HGF: variants seen among roughly 807,000 people sequenced by gnomAD.
HGF encodes the protein fibroblast-derived tumor cytotoxic factor.
HGF carries 39 observed loss-of-function variants against 111.6 expected under a neutral mutation model. The ratio of observed to expected loss-of-function variants is 0.35; its 90% confidence interval spans 0.27 to 0.46. HGF has a LOEUF of 0.46. Ranked by LOEUF, HGF falls within the 20% of genes least tolerant of loss-of-function variation. The probability of loss-of-function intolerance (pLI) is 1.00; values close to 1 mark genes in which losing one functional copy is unlikely to be tolerated. For missense variants in HGF, 735 were observed against 910.5 expected (o/e 0.81, Z 2.48); for synonymous variants, 285 against 294.8 (o/e 0.97, Z 0.34).
intron 11 of HGF, among the ~76,000 whole-genome samples, chr7:81,714,091 T>G (rs2115823831): frequency 6.6e-6 from 1 of 151,914 alleles, no homozygotes. Context: ...CTCCCACTCT[T>G]CTTAAAGCTT....
chr7:81,745,137 A>G lies in HGF; in HGVS notation c.626-17T>C. On this transcript the variant is annotated splice_polypyrimidine_tract_variant and intron_variant, in intron 5 of 17. Transcript: ENST00000222390. The stretch of plus-strand genomic sequence containing the variant: ...TGCATTCAACTAATAAAATTAAAGT[A>G]TGGCATGTTAATTGTTTCTGACAGC... 1 of 1,613,212 alleles carries G rather than the reference A, an allele frequency of 6.2e-7. No individual in the cohort carries two copies. Among genetic ancestry groups the G allele is most frequent in the Non-Finnish European group, 8.5e-7 (1 of 1,179,450 alleles).
At chr7:81,757,021 T>A in intron 4 of HGF, 168 bp downstream of exon 4, 5 of 624,060 alleles carry the variant, frequency 8.0e-6, no homozygotes, top group Non-Finnish European at 1.4e-5. Context: ...TATTAATTAA[T>A]CATTTGCTAA....
At chr7:81,757,140 C>A (rs943982592) in intron 4 of HGF, 49 bp downstream of exon 4, 3 of 926,908 alleles carry the variant, frequency 3.2e-6, no homozygotes, top group Non-Finnish European at 5.4e-6. Flanking sequence ...AGACTGTTAA[C>A]ATGTAAAAAA....
At chr7:81,743,715 T>C (rs1788103246) in intron 6 of HGF, among the ~76,000 whole-genome samples, 1 of 152,196 alleles carries the variant, frequency 6.6e-6, no homozygotes, top group African/African-American at 2.4e-5. Flanking sequence ...ACCTTTCCAC[T>C]AGCTGAGGTT....
At chr7:81,741,080 A>G (rs1011275226) in intron 7 of HGF, among the ~76,000 whole-genome samples, 2 of 152,220 alleles carry the variant, frequency 1.3e-5, no homozygotes, top group African/African-American at 4.8e-5. Context: ...ATAAAACATT[A>G]TCTCTTATGG....
intron 1 of HGF, among the ~76,000 whole-genome samples, chr7:81,767,224 T>C (rs1482566215): frequency 6.6e-6 from 1 of 152,070 alleles, no homozygotes; most frequent in African/African-American, 2.4e-5. Context: ...ATATATCACT[T>C]GGCCAAATGA....
intron 8 of HGF, among the ~76,000 whole-genome samples, chr7:81,727,463 C>T (rs185748800): frequency 2.6e-5 from 4 of 152,158 alleles, no homozygotes; most frequent in Admixed American, 2.6e-4. Context: ...AGAACATCGG[C>T]CACCAATAAT....
At chr7:81,763,357 T>C (rs1018611424) in intron 1 of HGF, among the ~76,000 whole-genome samples, 2 of 152,166 alleles carry the variant, frequency 1.3e-5, no homozygotes, top group African/African-American at 4.8e-5. Flanking sequence ...TCTTCTGACC[T>C]ACTCTTTAAA....
intron 6 of HGF, 56 bp downstream of exon 6, chr7:81,744,944 G>T: frequency 6.4e-7 from 1 of 1,567,814 alleles, no homozygotes; most frequent in Non-Finnish European, 8.8e-7. Flanking sequence ...GTGTGTCATA[G>T]AGTGAATAAT....
At chr7:81,740,800 A>G (rs1397280503) in intron 7 of HGF, among the ~76,000 whole-genome samples, 2 of 152,214 alleles carry the variant, frequency 1.3e-5, no homozygotes, top group Admixed American at 6.5e-5. Context: ...TAAATGCAAC[A>G]TGGAGTTTTA....
At chr7:81,737,204 A>T (rs1042117545) in intron 7 of HGF, among the ~76,000 whole-genome samples, 22 of 152,162 alleles carry the variant, frequency 1.4e-4, no homozygotes, top group African/African-American at 5.1e-4. Flanking sequence ...GGCAAATAAT[A>T]GAGCCTAAAT....
chr7:81,705,482 C>T lies in HGF; in HGVS notation c.1918G>A (p.Glu640Lys), dbSNP rs2115761301. The change falls in exon 17 of 18, where the codon GAG becomes AAG. Residue 640 changes from glutamate to lysine, a missense_variant. By Grantham distance (56) the Glu-to-Lys change is moderately conservative. Transcript: ENST00000222390. Reference sequence around the variant, plus strand: ...CCTCGATGATGCTGGCTGCATTTCTCATTTCCCATTATATAGAGATGTGCC... The same window carrying T: ...CCTCGATGATGCTGGCTGCATTTCTTATTTCCCATTATATAGAGATGTGCC... ...RVAHLYIMGNEKCSQHHRGKV... is the reference protein window; with the variant it reads ...RVAHLYIMGNKKCSQHHRGKV... 1 of 1,612,784 alleles carries T rather than the reference C, an allele frequency of 6.2e-7. No homozygotes were observed. Among genetic ancestry groups the T allele is most frequent in the Non-Finnish European group, 8.5e-7 (1 of 1,179,132 alleles).
At chr7:81,710,833 C>T (rs1304740332) in intron 12 of HGF, among the ~76,000 whole-genome samples, 1 of 152,098 alleles carries the variant, frequency 6.6e-6, no homozygotes, top group East Asian at 1.9e-4. Context: ...CCTCTGTGCT[C>T]CTCGCCTTAT....
At chr7:81,763,782 G>C (rs1234310580) in intron 1 of HGF, among the ~76,000 whole-genome samples, 1 of 152,114 alleles carries the variant, frequency 6.6e-6, no homozygotes, top group Non-Finnish European at 1.5e-5. Flanking sequence ...AGATGTGCTT[G>C]TGCCCCTCTG....
chr7:81,719,353 A>G (rs1310208920), intron 10 of HGF, among the ~76,000 whole-genome samples: 1 of 152,086 alleles, frequency 6.6e-6, no homozygotes, highest in African/African-American at 2.4e-5. Context: ...GTTTGCTTGC[A>G]TCCCACACTA....
At position 81,754,631 on chromosome 7, in the gene HGF, T is replaced by C. The variant is rs528531159; in HGVS notation, c.483-2369A>G. Among the ~76,000 whole-genome samples the C allele has an allele frequency of 8.4e-4, 128 of 152,174 alleles. 1 individual carries two copies. In the South Asian group the frequency reaches 0.017, roughly 20 times the overall value. On this transcript the variant is annotated intron_variant, in intron 4 of 17. Coordinates refer to ENST00000222390, the MANE Select transcript of HGF (RefSeq NM_000601.6). ...TCCACAATTCTGAATGCAATTCATA[T>C]CAAAAACCTCTCTAGGACATGAAGG...
At chr7:81,738,282 C>T (rs2115983723) in intron 7 of HGF, among the ~76,000 whole-genome samples, 1 of 152,084 alleles carries the variant, frequency 6.6e-6, no homozygotes, top group African/African-American at 2.4e-5. Flanking sequence ...CTCTGAAAAG[C>T]AGGAAACTAA....
At chr7:81,736,308 A>G (rs757446629) in intron 7 of HGF, among the ~76,000 whole-genome samples, 6 of 152,116 alleles carry the variant, frequency 3.9e-5, no homozygotes, top group Admixed American at 6.6e-5. Flanking sequence ...TCCTTTGTCT[A>G]GCATTGTATA....
intron 11 of HGF, among the ~76,000 whole-genome samples, chr7:81,713,431 C>T (rs1043210547): frequency 1.3e-5 from 2 of 151,344 alleles, no homozygotes; most frequent in African/African-American, 2.4e-5. Context: ...GAGGCTGAGG[C>T]AGGAGAATCG....
Sources: allele counts gnomAD v4.1 joint callset (sites outside exome capture counted in the v4.1 genomes callset), GRCh38; gene constraint gnomAD v4.1.1; transcripts MANE v1.5; gene names NCBI Gene and HGNC (gene_info 2026-07-23, HGNC 2026-07-21).